The following RANGAP1 variants were observed in gnomAD, a reference collection of about 807,000 sequenced individuals.
The protein encoded by RANGAP1 is ran GTPase-activating protein 1.
A neutral mutation model predicts 63.5 loss-of-function variants in RANGAP1; 38 were observed. The ratio of observed to expected loss-of-function variants is 0.60; its 90% CI spans 0.46 to 0.78. The LOEUF (loss-of-function observed/expected upper bound fraction) is 0.78. Among genes scored for constraint, RANGAP1 ranks in the 30% least tolerant of loss-of-function variants. The probability of loss-of-function intolerance (pLI) is 0.00; values close to 1 mark genes in which losing one functional copy is unlikely to be tolerated. For missense variants in RANGAP1, 630 were observed against 740.3 expected (o/e 0.85, Z 1.73); for synonymous variants, 329 against 310.5 (o/e 1.06, Z -0.63).
intron 13 of RANGAP1, among the ~76,000 whole-genome samples, chr22:41,250,198 C>A (rs1045086534): frequency 1.3e-5 from 2 of 152,244 alleles, no homozygotes; most frequent in Non-Finnish European, 2.9e-5. Context: ...CTGTGCTAGG[C>A]TTCCTGGGAA....
chr22:41,252,016 C>T lies in RANGAP1; in HGVS notation c.1380+856G>A, dbSNP rs148095257. Among the ~76,000 whole-genome samples the T allele has an allele frequency of 4.6e-4, 70 of 152,252 alleles. 1 individual carries two copies. The East Asian group carries it at 0.012, about 27-fold the overall frequency. On this transcript the variant is annotated intron_variant, in intron 12 of 15. Transcript: ENST00000356244. ...GCCCATTTTATTTCTCTGTAACCTC[C>T]GAGCCTCCGCTTTCTTATCTACAAA...
intron 15 of RANGAP1, among the ~76,000 whole-genome samples, chr22:41,248,040 A>T (rs918439859): frequency 6.6e-6 from 1 of 152,216 alleles, no homozygotes; most frequent in African/African-American, 2.4e-5. Flanking sequence ...TACTCTGACC[A>T]GGGGGCAGGA....
chr22:41,273,986 G>A (rs1163068652), intron 3 of RANGAP1, among the ~76,000 whole-genome samples: 1 of 152,142 alleles, frequency 6.6e-6, no homozygotes, highest in African/African-American at 2.4e-5. Flanking sequence ...GCTGAGGCAG[G>A]AGAATCGCTT....
chr22:41,274,283 T>C (rs2035010750), intron 3 of RANGAP1, among the ~76,000 whole-genome samples: 1 of 152,242 alleles, frequency 6.6e-6, no homozygotes, highest in Admixed American at 6.5e-5. Context: ...CAGAGGCTCC[T>C]GCTGGTTATT....
chr22:41,299,633 G>A, the RANGAP1 span, among the ~76,000 whole-genome samples: 5 of 152,250 alleles, frequency 3.3e-5, no homozygotes, highest in Middle Eastern at 3.4e-3. Flanking sequence ...GTAAAGAAGC[G>A]GTGGCTGTTA....
intron 10 of RANGAP1, 118 bp from the exon 11 acceptor site, chr22:41,254,612 G>C: frequency 6.7e-7 from 1 of 1,482,216 alleles, no homozygotes. Flanking sequence ...AGCCTGGTGG[G>C]GTGGGAGCAC....
At chr22:41,289,203 C>T (rs555017265), upstream of RANGAP1, among the ~76,000 whole-genome samples, 9 of 152,006 alleles carry the variant, frequency 5.9e-5, no homozygotes, top group Non-Finnish European at 1.3e-4. Flanking sequence ...ACAGTACAGG[C>T]GTGAGCCACT....
chr22:41,250,864 T>C (rs1601590872), intron 13 of RANGAP1, 143 bp downstream of exon 13: 8 of 651,320 alleles, frequency 1.2e-5, no homozygotes, highest in Non-Finnish European at 1.6e-5. Context: ...GGCAGGACCC[T>C]GACGGAGGAA....
At chr22:41,270,904 C>T (rs1014339560) in intron 3 of RANGAP1, among the ~76,000 whole-genome samples, 2 of 150,778 alleles carry the variant, frequency 1.3e-5, no homozygotes, top group Non-Finnish European at 3.0e-5. Flanking sequence ...GCAGGTCATT[C>T]GGAACAAAGC....
At chr22:41,285,043 T>C (rs191501239) in intron 1 of RANGAP1, 1 of 151,774 alleles carries the variant, frequency 6.6e-6, no homozygotes, top group Non-Finnish European at 1.5e-5. Flanking sequence ...GTAGTCCCCA[T>C]GACTTGGGAG....
intron 4 of RANGAP1, among the ~76,000 whole-genome samples, chr22:41,265,936 C>T (rs1416383928): frequency 6.6e-6 from 1 of 151,836 alleles, no homozygotes; most frequent in African/African-American, 2.4e-5. Flanking sequence ...GGTGCGGTGG[C>T]TCACGCCTGT....
the RANGAP1 span, among the ~76,000 whole-genome samples, chr22:41,294,924 G>C: frequency 9.9e-6 from 1 of 100,848 alleles, no homozygotes; most frequent in East Asian, 3.3e-4. Flanking sequence ...CATCCGGGAG[G>C]GAGGTGGGGG....
intron 11 of RANGAP1, 129 bp downstream of exon 11, chr22:41,254,179 A>T: frequency 1.1e-6 from 1 of 952,256 alleles, no homozygotes; most frequent in Non-Finnish European, 1.6e-6. Context: ...ACTCAATATC[A>T]TGCAATCAAA....
chr22:41,261,204 T>C (rs890792685), intron 6 of RANGAP1, among the ~76,000 whole-genome samples: 2 of 152,210 alleles, frequency 1.3e-5, no homozygotes, highest in East Asian at 1.9e-4. Flanking sequence ...TGAAGCCCCA[T>C]AGGGGCTGGC....
chr22:41,293,446 G>A, the RANGAP1 span, among the ~76,000 whole-genome samples: 3 of 151,862 alleles, frequency 2.0e-5, no homozygotes, highest in Non-Finnish European at 4.4e-5. Flanking sequence ...AATGAAAACT[G>A]TCAATAATCT....
At chr22:41,258,439 G>A (rs762458220) in intron 6 of RANGAP1, among the ~76,000 whole-genome samples, 10 of 152,176 alleles carry the variant, frequency 6.6e-5, no homozygotes, top group Non-Finnish European at 1.5e-4. Flanking sequence ...TGGCTGTGGT[G>A]GGCAGGCACT....
chr22:41,264,852 A>G lies in RANGAP1; in HGVS notation c.301-9T>C. On this transcript the variant is annotated splice_polypyrimidine_tract_variant and intron_variant, in intron 4 of 15. Coordinates refer to ENST00000356244, the MANE Select transcript of RANGAP1 (RefSeq NM_002883.4). Reference sequence around the variant, plus strand: ...CCTTCCCCTAGTGAGATCTGGGCACAGAGGAAGCTCGTGTCAGTTTCATAG... The same window carrying G: ...CCTTCCCCTAGTGAGATCTGGGCACGGAGGAAGCTCGTGTCAGTTTCATAG... The G allele has an allele frequency of 1.9e-6, 3 of 1,589,958 alleles. No individual in the cohort carries two copies. The highest frequency in any genetic ancestry group is 1.7e-6 in the Non-Finnish European group (2 of 1,160,330).
chr22:41,297,311 G>A, the RANGAP1 span, among the ~76,000 whole-genome samples: 1 of 152,098 alleles, frequency 6.6e-6, no homozygotes, highest in Non-Finnish European at 1.5e-5. Flanking sequence ...TTCTATTCAG[G>A]TCATCAACTG....
At chr22:41,263,919 T>A (rs1254290158) in intron 5 of RANGAP1, among the ~76,000 whole-genome samples, 1 of 152,198 alleles carries the variant, frequency 6.6e-6, no homozygotes, top group East Asian at 1.9e-4. Context: ...CTATGCTGAG[T>A]CATGTGGAAA....
Sources: allele counts gnomAD v4.1 joint callset (sites outside exome capture counted in the v4.1 genomes callset), GRCh38; gene constraint gnomAD v4.1.1; transcripts MANE v1.5; gene names NCBI Gene and HGNC (gene_info 2026-07-23, HGNC 2026-07-21).